SETD6: variants seen among roughly 807,000 people sequenced by gnomAD.
SETD6 encodes N-lysine methyltransferase SETD6.
SETD6 carries 67 observed loss-of-function variants against 52.7 expected under a neutral mutation model. The ratio of observed to expected loss-of-function variants is 1.27; its 90% CI spans 1.04 to 1.56. The LOEUF (loss-of-function observed/expected upper bound fraction) is 1.56. Among genes scored for constraint, SETD6 ranks in the 40% most tolerant of loss-of-function variants. SETD6 has a pLI of 0.00. For missense variants in SETD6, 712 were observed against 607.5 expected (o/e 1.17, Z -1.81); for synonymous variants, 307 against 250.2 (o/e 1.23, Z -2.14).
rs2039481471 is a variant in SETD6 at position 58,523,560 on chromosome 16, A to G, written c.*4531A>G. The G allele has an allele frequency of 6.4e-7, 1 of 1,551,824 alleles. No homozygotes were observed. The highest frequency in any genetic ancestry group is 8.8e-7 in the Non-Finnish European group (1 of 1,134,956). ...GTCTGAAAGGCCAACATGGGAAGAC[A>G]GTTCTAACTGGCTAGGGTTTGGGTT... On this transcript the variant is annotated 3_prime_UTR_variant, in exon 8 of 8. Coordinates refer to ENST00000219315, the MANE Select transcript of SETD6 (RefSeq NM_001160305.4).
In SETD6 at chr16:58,518,252, A is replaced by G. The variant is rs375139326; in HGVS notation, c.973+21A>G. On this transcript the variant is annotated intron_variant, in intron 6 of 7. Coordinates refer to ENST00000219315, the MANE Select transcript of SETD6 (RefSeq NM_001160305.4). The stretch of plus-strand genomic sequence containing the variant: ...ACAGGGTGAGTGTATCATTAACTCA[A>G]TATTTGACACTGATGGTGTGTCTAT... 4.9e-5 allele frequency: 79 copies of G among 1,613,846 alleles called. 1 individual carries two copies. In the African/African-American group the frequency reaches 5.1e-4, roughly 10 times the overall value.
At chr16:58,515,646 T>C in intron 1 of SETD6, 82 bp downstream of exon 1, 1 of 1,418,074 alleles carries the variant, frequency 7.1e-7, no homozygotes, top group East Asian at 2.9e-5. Context: ...CTGCGCCCCC[T>C]CCGCTCCCTC....
In SETD6 at chr16:58,520,635, C is replaced by G. The variant is rs554882477; in HGVS notation, c.*1606C>G. On this transcript the variant is annotated 3_prime_UTR_variant, in exon 8 of 8. Coordinates refer to ENST00000219315, the MANE Select transcript of SETD6 (RefSeq NM_001160305.4). ...TCAGCTGCCTCTTCATTACAAGGTA[C>G]CAGTTTATGTACTTGCCTTGGACAC... 3.1e-6 allele frequency: 1 copy of G among 323,068 alleles called. No individual in the cohort carries two copies. Among genetic ancestry groups the G allele is most frequent in the Non-Finnish European group, 5.9e-6 (1 of 170,444 alleles). The allele number at this position is 323,068 out of a possible 1,614,324, so 20.0% of individuals were successfully genotyped here.
Position 58,520,670 on chromosome 16 carries a change from A to G in SETD6, c.*1641A>G. On this transcript the variant is annotated 3_prime_UTR_variant, in exon 8 of 8. Coordinates refer to ENST00000219315, the MANE Select transcript of SETD6 (RefSeq NM_001160305.4). ...TACTTGCCTTGGACACAGCTTGCAC[A>G]AAGCCAAGAAGTTCCAGACAAAGGT... 2.3e-6 allele frequency: 1 copy of G among 426,210 alleles called. No homozygotes were observed. Among genetic ancestry groups the G allele is most frequent in the Non-Finnish European group, 4.3e-6 (1 of 230,664 alleles). The allele number at this position is 426,210 out of a possible 1,614,324, so 26.4% of individuals were successfully genotyped here.
At chr16:58,517,281 G>C (rs549222573) in intron 5 of SETD6, 6 of 348,272 alleles carry the variant, frequency 1.7e-5, no homozygotes, top group Non-Finnish European at 2.8e-5. Flanking sequence ...CCGTGTTTTG[G>C]AGGGATGAGG....
Position 58,523,300 on chromosome 16 carries a change from A to C in SETD6, c.*4271A>C. The C allele has an allele frequency of 1.4e-6, 2 of 1,462,214 alleles. No homozygotes were observed. Among genetic ancestry groups the C allele is most frequent in the Non-Finnish European group, 1.8e-6 (2 of 1,101,198 alleles). The allele number at this position is 1,462,214 out of a possible 1,614,324, so 90.6% of individuals were successfully genotyped here. Reference sequence around the variant, plus strand: ...ATTTTCACTGAACACTGAAAGCATAAAGAGGAAAAAAAAAAGATGAAAGGG... The same window carrying C: ...ATTTTCACTGAACACTGAAAGCATACAGAGGAAAAAAAAAAGATGAAAGGG... On this transcript the variant is annotated 3_prime_UTR_variant, in exon 8 of 8. Coordinates refer to ENST00000219315, the MANE Select transcript of SETD6 (RefSeq NM_001160305.4).
At position 58,518,138 on chromosome 16, in the gene SETD6, A is replaced by G. The variant is rs749847483; in HGVS notation, c.880A>G (p.Ile294Val). ...TYGQMANWQL[I>V]HMYGFVEPYP... ...TGGGCAAATGGCTAACTGGCAACTGATTCATATGTACGGTTTTGTTGAACC... is the reference window on the plus strand; with the variant it reads ...TGGGCAAATGGCTAACTGGCAACTGGTTCATATGTACGGTTTTGTTGAACC... Residue 294 changes from isoleucine (I) to valine (V), a missense_variant, in exon 6 of 8, where the codon ATT becomes GTT. Transcript: ENST00000219315. 4.3e-6 allele frequency: 7 copies of G among 1,614,092 alleles called. No homozygotes were observed. In the African/African-American group the frequency reaches 9.3e-5, roughly 22 times the overall value.
At chr16:58,517,400 G>C (rs183616966) in intron 5 of SETD6, 10 of 180,364 alleles carry the variant, frequency 5.5e-5, no homozygotes, top group African/African-American at 2.4e-4. Context: ...ACATTTATAG[G>C]ATCAGAAATT....
At chr16:58,517,916 A>G in intron 5 of SETD6, 135 bp from the exon 6 acceptor site, 1 of 1,093,114 alleles carries the variant, frequency 9.1e-7, no homozygotes, top group South Asian at 1.5e-5. Flanking sequence ...AACAGGAACT[A>G]AAGGTAGAAC....
chr16:58,516,041 C>T lies in SETD6; in HGVS notation c.278C>T (p.Pro93Leu), dbSNP rs1217064183. Residue 93 changes from proline to leucine, a missense_variant, in exon 2 of 8, where the codon CCG (proline) becomes CTG (leucine). Coordinates refer to ENST00000219315, the MANE Select transcript of SETD6 (RefSeq NM_001160305.4). ...VQAGELLFVV[P>L]RAALLSQHTC... ...GCCGGAGAGCTGTTGTTCGTGGTGC[C>T]GCGGGCCGCGCTCCTGTCGCAGCAC... is the stretch of plus-strand genomic sequence containing the variant. 1.3e-6 allele frequency: 2 copies of T among 1,515,778 alleles called. No homozygotes were observed. Among genetic ancestry groups the T allele is most frequent in the South Asian group, 1.2e-5 (1 of 80,714 alleles). 93.9% of individuals were successfully genotyped at this position (1,515,778 alleles called of 1,614,324 possible). A position where few individuals can be genotyped will look rare whatever the true frequency, so the allele number is the denominator to read the frequency against.
chr16:58,515,550 G>A lies in SETD6; in HGVS notation c.13G>A (p.Ala5Thr), dbSNP rs2039086433. ...GCGCTCTTAGACCATGGCGACCCAG[G>A]CGAAGCGTCCACGGGTGAGTGGCGG... MATQ[A>T]KRPRVAGPVD... Residue 5 changes from alanine (A) to threonine (T), a missense_variant, in exon 1 of 8, where the codon GCG becomes ACG. Physicochemically the swap from Ala to Thr is moderately conservative, Grantham distance 58 (BLOSUM62 0). Transcript: ENST00000219315. 4 of 1,589,072 alleles carry A rather than the reference G, an allele frequency of 2.5e-6. No individual in the cohort carries two copies. The East Asian group carries it at 9.4e-5, about 37-fold the overall frequency.
At chr16:58,515,588 G>A (rs759712943) in intron 1 of SETD6, 24 bp downstream of exon 1, 5 of 1,543,384 alleles carry the variant, frequency 3.2e-6, no homozygotes, top group Non-Finnish European at 4.3e-6. Flanking sequence ...GCGGGGTCCA[G>A]CCTTTTCCTC....
rs773888651 is a variant in SETD6, at chr16:58,518,793, G to GA, written c.1188dup (p.Glu397ArgfsTer38). 6.2e-7 allele frequency: 1 copy of GA among 1,614,058 alleles called. No individual in the cohort carries two copies. ...GGATGGAGGGGGAGATGATAAAAGG[G>GA]AAGAGGGCAGCCTGACGATCACAAA... On this transcript the variant is annotated frameshift_variant, in exon 8 of 8. Coordinates refer to ENST00000219315, the MANE Select transcript of SETD6 (RefSeq NM_001160305.4). LOFTEE classifies it high-confidence loss of function.
Position 58,519,181 on chromosome 16 carries a change from A to G in SETD6, c.*152A>G. 1 of 706,908 alleles carries G rather than the reference A, an allele frequency of 1.4e-6. No homozygotes were observed. The allele number at this position is 706,908 out of a possible 1,614,324, so 43.8% of individuals were successfully genotyped here. ...AAAGTTGGTGTGCTAGGATTAACTC[A>G]GGTAAGGGTGATGTGTTTTAGGATT... is the stretch of plus-strand genomic sequence containing the variant. On this transcript the variant is annotated 3_prime_UTR_variant, in exon 8 of 8. Coordinates refer to ENST00000219315, the MANE Select transcript of SETD6 (RefSeq NM_001160305.4).
Position 58,523,206 on chromosome 16 carries a change from C to CT in SETD6, c.*4178dup, listed in dbSNP as rs2151889946. 1 of 570,578 alleles carries CT rather than the reference C, an allele frequency of 1.8e-6. No individual in the cohort carries two copies. Among genetic ancestry groups the CT allele is most frequent in the African/African-American group, 1.9e-5 (1 of 52,180 alleles). 35.3% of individuals were successfully genotyped at this position (570,578 alleles called of 1,614,324 possible). On this transcript the variant is annotated 3_prime_UTR_variant, in exon 8 of 8. Coordinates refer to ENST00000219315, the MANE Select transcript of SETD6 (RefSeq NM_001160305.4). ...GTTGCAGTGAGCCAAGATGGCGCCA[C>CT]TGTACTGCAGACTGAGTGACAGAGC...
At position 58,523,662 on chromosome 16, in the gene SETD6, C is replaced by T. The variant is rs922774636; in HGVS notation, c.*4633C>T. The T allele has an allele frequency of 3.6e-5, 19 of 523,190 alleles. No individual in the cohort carries two copies. The highest frequency in any genetic ancestry group is 1.3e-4 in the South Asian group (3 of 23,300). The allele number at this position is 523,190 out of a possible 1,614,324, so 32.4% of individuals were successfully genotyped here. ...ACCCCAAAGAGTTCTCATTTCTGTG[C>T]GTTTTATTTCAGAATTTTCCACATT... On this transcript the variant is annotated 3_prime_UTR_variant, in exon 8 of 8. Transcript: ENST00000219315.
Position 58,519,246 on chromosome 16 carries a change from A to C in SETD6, c.*217A>C, listed in dbSNP as rs2039278936. On this transcript the variant is annotated 3_prime_UTR_variant, in exon 8 of 8. Coordinates refer to ENST00000219315, the MANE Select transcript of SETD6 (RefSeq NM_001160305.4). ...TGGGAATCACTGCTAATTGTTACTT[A>C]AAGCATGTTACAGATGTTTTGTTCT... The C allele has an allele frequency of 1.9e-6, 1 of 539,790 alleles. No individual in the cohort carries two copies. Among genetic ancestry groups the C allele is most frequent in the Admixed American group, 3.6e-5 (1 of 28,072 alleles). The allele number at this position is 539,790 out of a possible 1,614,324, so 33.4% of individuals were successfully genotyped here. A position where few individuals can be genotyped will look rare whatever the true frequency, so the allele number is the denominator to read the frequency against.
rs1364027613 is a variant in SETD6 at position 58,518,343 on chromosome 16, AAAG to A, written c.974-52_974-50del. The stretch of plus-strand genomic sequence containing the variant: ...GACTTTGTAGACTGGGTGGCAGACT[AAAG>A]AAGAAATGAACCCTTGGGTGTACTG... On this transcript the variant is annotated intron_variant, in intron 6 of 7. Transcript: ENST00000219315. 3.8e-6 allele frequency: 6 copies of A among 1,589,062 alleles called. No individual in the cohort carries two copies. The African/African-American group carries it at 4.1e-5, about 11-fold the overall frequency.
At position 58,523,488 on chromosome 16, in the gene SETD6, A is replaced by G; in HGVS notation, c.*4459A>G. 6.2e-7 allele frequency: 1 copy of G among 1,614,030 alleles called. No homozygotes were observed. The highest frequency in any genetic ancestry group is 8.5e-7 in the Non-Finnish European group (1 of 1,179,962). On this transcript the variant is annotated 3_prime_UTR_variant, in exon 8 of 8. Transcript: ENST00000219315. ...CGGAGCTGATTTGCAATTGCATTCA[A>G]AAAGAGATAGCGACCTAGAAATTAA...
Sources: allele counts gnomAD v4.1 joint callset, GRCh38; gene constraint gnomAD v4.1.1; transcripts MANE v1.5; gene names NCBI Gene and HGNC (gene_info 2026-07-23, HGNC 2026-07-21).